The following SPIRE1 variants were observed in gnomAD, a reference collection of about 807,000 sequenced individuals.
SPIRE1 encodes protein spire homolog 1.
A neutral mutation model predicts 94.1 loss-of-function variants in SPIRE1; 40 were observed. The observed-to-expected ratio is 0.43, with a 90% CI of 0.33 to 0.55. The LOEUF is 0.55. SPIRE1 is among the 20% of genes least tolerant of loss of function. SPIRE1 has a pLI of 0.06. For synonymous variants in SPIRE1, 376 were observed against 371.7 expected (o/e 1.01, Z -0.13); for missense variants, 838 against 975.2 (o/e 0.86, Z 1.87).
At chr18:12,615,542 C>CACAAAAAAAAAAAAAAA (rs2037282211) in intron 2 of SPIRE1, among the ~76,000 whole-genome samples, 1 of 75,790 alleles carries the variant, frequency 1.3e-5, no homozygotes, top group Non-Finnish European at 2.7e-5. Flanking sequence ...TCTATCTCCA[C>CACAAAAAAAAAAAAAAA]AAAAAAAAAA....
intron 7 of SPIRE1, among the ~76,000 whole-genome samples, chr18:12,495,435 TG>T (rs1198592924): frequency 6.6e-6 from 1 of 152,148 alleles, no homozygotes; most frequent in Admixed American, 6.5e-5. Flanking sequence ...TATAGTAAAC[TG>T]GAAGGACAAT....
chr18:12,524,632 A>G (rs147387403), intron 4 of SPIRE1, among the ~76,000 whole-genome samples: 253 of 152,300 alleles, frequency 1.7e-3, no homozygotes, highest in Non-Finnish European at 3.0e-3. Context: ...TGCCGGGATT[A>G]TAAGGCATGA....
chr18:12,538,114 T>C (rs1476551040), intron 3 of SPIRE1, among the ~76,000 whole-genome samples: 1 of 152,088 alleles, frequency 6.6e-6, no homozygotes, highest in Non-Finnish European at 1.5e-5. Flanking sequence ...AGCTAGTCAA[T>C]GGCATAAATG....
chr18:12,468,095 C>T (rs1351514846), intron 10 of SPIRE1, among the ~76,000 whole-genome samples: 1 of 152,138 alleles, frequency 6.6e-6, no homozygotes, highest in Non-Finnish European at 1.5e-5. Context: ...AAATATCATA[C>T]TTAATTCTGT....
At chr18:12,468,841 T>A (rs2032229704) in intron 10 of SPIRE1, among the ~76,000 whole-genome samples, 1 of 152,160 alleles carries the variant, frequency 6.6e-6, no homozygotes, top group South Asian at 2.1e-4. Flanking sequence ...AGAGGATCGC[T>A]TAAGCCAGGG....
At chr18:12,640,713 C>A (rs2038061023) in intron 1 of SPIRE1, among the ~76,000 whole-genome samples, 1 of 152,068 alleles carries the variant, frequency 6.6e-6, no homozygotes, top group South Asian at 2.1e-4. Flanking sequence ...AACTGCAGGG[C>A]GGGAAGAAGA....
At chr18:12,630,398 G>A (rs1054801447) in intron 2 of SPIRE1, among the ~76,000 whole-genome samples, 1 of 152,136 alleles carries the variant, frequency 6.6e-6, no homozygotes, top group African/African-American at 2.4e-5. Flanking sequence ...AGTGGCTCGT[G>A]CCTGTAATCC....
intron 2 of SPIRE1, among the ~76,000 whole-genome samples, chr18:12,618,953 C>T (rs1275723998): frequency 1.3e-5 from 2 of 151,980 alleles, no homozygotes; most frequent in African/African-American, 2.4e-5. Context: ...GGTGCGATCT[C>T]GGCTCACCAC....
At chr18:12,463,572 G>A in intron 11 of SPIRE1, 79 bp from the exon 12 acceptor site, 2 of 1,129,502 alleles carry the variant, frequency 1.8e-6, no homozygotes, top group Non-Finnish European at 2.6e-6. Flanking sequence ...GACAAACACT[G>A]TAATTCAAAG....
Position 12,635,070 on chromosome 18 carries a change from C to T in SPIRE1, c.364G>A (p.Glu122Lys). The T allele has an allele frequency of 6.9e-7, 1 of 1,459,096 alleles. No homozygotes were observed. The highest frequency in any genetic ancestry group is 9.4e-7 in the Non-Finnish European group (1 of 1,066,870). The allele number at this position is 1,459,096 out of a possible 1,614,324, so 90.4% of individuals were successfully genotyped here. Residue 122 changes from glutamate (E) to lysine (K), a missense_variant, in exon 2 of 17, where the codon GAA (glutamate) becomes AAA (lysine). This residue lies in a region of SPIRE1 where 645 missense variants were observed against 804.7 expected (regional missense o/e 0.80). Transcript: ENST00000409402. ...TTGAGTATTTCACTTACCTCTGTTTCCATACATTGTGAATATCCCAATTTA... is the reference window on the plus strand; with the variant it reads ...TTGAGTATTTCACTTACCTCTGTTTTCATACATTGTGAATATCCCAATTTA... Reference protein sequence around the residue: ...AGKLGYSQCMETEVIESLGII... With the variant: ...AGKLGYSQCMKTEVIESLGII...
rs114316909 is a variant in SPIRE1 at position 12,540,869 on chromosome 18, C to A, written c.604-5268G>T. On this transcript the variant is annotated intron_variant, in intron 3 of 16. Transcript: ENST00000409402. The stretch of plus-strand genomic sequence containing the variant: ...CCTAAGCTTTAAATTATATGCTGTG[C>A]TGAGTTGCATGGTGAAATCTCACAC... Among the ~76,000 whole-genome samples the A allele has an allele frequency of 9.6e-3, 1,456 of 152,292 alleles. 33 individuals are homozygous for A. The highest frequency in any genetic ancestry group is 0.032 in the African/African-American group (1,344 of 41,554).
chr18:12,656,029 G>A (rs1206016354), intron 1 of SPIRE1, among the ~76,000 whole-genome samples: 1 of 151,912 alleles, frequency 6.6e-6, no homozygotes, highest in East Asian at 1.9e-4. Context: ...CTCCCGAGTA[G>A]CTGGTATTCC....
Position 12,463,374 on chromosome 18 carries a change from A to G in SPIRE1, c.1615T>C (p.Ser539Pro), listed in dbSNP as rs1422540927. Residue 539 changes from serine to proline, a missense_variant, in exon 12 of 17, where the codon TCC (serine) becomes CCC (proline). Coordinates refer to ENST00000409402, the MANE Select transcript of SPIRE1 (RefSeq NM_001128626.2). Reference protein sequence around the residue: ...PTNVRQFLPPSRQSSRSLEEF... With the variant: ...PTNVRQFLPPPRQSSRSLEEF... Reference sequence around the variant, plus strand: ...ACAAGAGAGCGGGAACTCTGCCTGGAAGGCGGCAGGAACTGCCTCACGTTA... The same window carrying G: ...ACAAGAGAGCGGGAACTCTGCCTGGGAGGCGGCAGGAACTGCCTCACGTTA... 1.2e-6 allele frequency: 2 copies of G among 1,613,620 alleles called. No homozygotes were observed. The highest frequency in any genetic ancestry group is 1.7e-6 in the Non-Finnish European group (2 of 1,179,748).
intron 4 of SPIRE1, among the ~76,000 whole-genome samples, chr18:12,514,750 G>A (rs1480989161): frequency 6.6e-6 from 1 of 152,076 alleles, no homozygotes; most frequent in Non-Finnish European, 1.5e-5. Flanking sequence ...CATGCTCTGC[G>A]TTTTAGGAAA....
At chr18:12,526,066 C>CACACACACACACACACAT (rs2034514820) in intron 4 of SPIRE1, among the ~76,000 whole-genome samples, 1 of 116,026 alleles carries the variant, frequency 8.6e-6, no homozygotes. Context: ...TACACACACA[C>CACACACACACACACACAT]ACACACACAC....
chr18:12,637,358 C>T (rs1430078908), intron 1 of SPIRE1, among the ~76,000 whole-genome samples: 1 of 101,836 alleles, frequency 9.8e-6, no homozygotes, highest in Non-Finnish European at 2.0e-5. Context: ...GACTCTGTCT[C>T]AAAAAAAAAA....
intron 3 of SPIRE1, among the ~76,000 whole-genome samples, chr18:12,546,429 T>C (rs2144277865): frequency 6.6e-6 from 1 of 152,088 alleles, no homozygotes; most frequent in South Asian, 2.1e-4. Flanking sequence ...GCCCAGGGGT[T>C]CAAAACCAGC....
rs188240025 is a variant in SPIRE1 at position 12,482,256 on chromosome 18, C to T, written c.1232-2385G>A. On this transcript the variant is annotated intron_variant, in intron 9 of 16. Coordinates refer to ENST00000409402, the MANE Select transcript of SPIRE1 (RefSeq NM_001128626.2). ...CTCCTGGGTTCAAGCGATTCTCCTGCCTCAGCCTCCAGAGTAGCCGGGACT... is the reference window on the plus strand; with the variant it reads ...CTCCTGGGTTCAAGCGATTCTCCTGTCTCAGCCTCCAGAGTAGCCGGGACT... 1.8e-3 allele frequency among the ~76,000 whole-genome samples: 277 copies of T among 152,320 alleles called. 1 individual carries two copies. Among genetic ancestry groups the T allele is most frequent in the African/African-American group, 6.4e-3 (267 of 41,566 alleles).
intron 2 of SPIRE1, among the ~76,000 whole-genome samples, chr18:12,580,746 A>T (rs1047816228): frequency 1.3e-5 from 2 of 152,192 alleles, no homozygotes; most frequent in African/African-American, 4.8e-5. Context: ...TCTCAGTCAC[A>T]TGCAGAAACA....
Sources: gnomAD v4.1 joint callset for allele counts (sites outside exome capture counted in the v4.1 genomes callset) on GRCh38, gnomAD v4.1.1 for gene constraint, gnomAD v4.1.1 regional missense constraint, MANE v1.5 for transcripts, NCBI Gene and HGNC (gene_info 2026-07-23, HGNC 2026-07-21) for gene names.